Variants in HS6ST2 observed in about 807,000 individuals in gnomAD.
The protein encoded by HS6ST2 is heparan sulfate 6-O-sulfotransferase 2, also known as heparan-sulfate 6-O-sulfotransferase 2.
A neutral mutation model predicts 33.0 loss-of-function variants in HS6ST2; 17 were observed. The ratio of observed to expected loss-of-function variants is 0.52; its 90% confidence interval spans 0.35 to 0.77. The LOEUF (loss-of-function observed/expected upper bound fraction) is 0.77. Ranked by LOEUF, HS6ST2 falls within the 30% of genes least tolerant of loss-of-function variation. The pLI, the probability that HS6ST2 is intolerant of heterozygous loss-of-function variation, is 0.01. For synonymous variants in HS6ST2, 248 were observed against 237.1 expected, an observed-to-expected ratio of 1.05 and a Z score of -0.42; for missense variants, 519 against 551.7, an observed-to-expected ratio of 0.94 and a Z score of 0.59.
intron 2 of HS6ST2, among the ~76,000 whole-genome samples, chrX:132,836,234 TTACAGATGTGGCATCACATAG>T (rs749994334): frequency 6.2e-4 from 70 of 112,407 alleles, no homozygotes; most frequent in African/African-American, 2.2e-3. Context: ...GGTTCTTGGG[TTACAGATGTGGCATCACATAG>T]TCCTCGCCTT....
Position 132,841,496 on chromosome X carries a change from T to A in HS6ST2, c.947+115312A>T, listed in dbSNP as rs148337757. Among the ~76,000 whole-genome samples the A allele has an allele frequency of 4.7e-4, 53 of 111,609 alleles. No homozygotes were observed. The East Asian group carries it at 0.012, about 25-fold the overall frequency. ...GAAGCTCAGGGTAGGGAGGCATTGC[T>A]GAAAATGAAGCTTATTATGGGAATT... is the stretch of plus-strand genomic sequence containing the variant. On this transcript the variant is annotated intron_variant, in intron 2 of 4. Coordinates refer to ENST00000370833, the MANE Select transcript of HS6ST2 (RefSeq NM_001394073.1).
intron 2 of HS6ST2, among the ~76,000 whole-genome samples, chrX:132,773,216 G>A (rs1421710074): frequency 1.0e-5 from 1 of 99,169 alleles, no homozygotes; most frequent in Non-Finnish European, 2.0e-5. Context: ...TAATAAATAT[G>A]TATTATATAT....
At chrX:132,898,198 A>G (rs1176522583) in intron 2 of HS6ST2, among the ~76,000 whole-genome samples, 1 of 109,742 alleles carries the variant, frequency 9.1e-6, no homozygotes, top group Non-Finnish European at 1.9e-5. Context: ...CTGTCCGTGG[A>G]AAAATTGTCT....
At chrX:132,700,779 G>A (rs1234318922) in intron 3 of HS6ST2, among the ~76,000 whole-genome samples, 3 of 110,565 alleles carry the variant, frequency 2.7e-5, no homozygotes, top group Non-Finnish European at 5.7e-5. Context: ...GAGATGATGT[G>A]TACCTTTAAA....
intron 2 of HS6ST2, among the ~76,000 whole-genome samples, chrX:132,825,363 G>A (rs1221776928): frequency 9.0e-6 from 1 of 111,682 alleles, no homozygotes; most frequent in African/African-American, 3.3e-5. Context: ...TCTGTTCAGA[G>A]GACACAAACT....
intron 3 of HS6ST2, among the ~76,000 whole-genome samples, chrX:132,688,693 G>T (rs1458902761): frequency 8.9e-6 from 1 of 111,900 alleles, no homozygotes; most frequent in Non-Finnish European, 1.9e-5. Context: ...AACAAGTGGG[G>T]ATTATGGAAA....
chrX:132,736,387 G>T (rs1358591988), intron 2 of HS6ST2, among the ~76,000 whole-genome samples: 1 of 111,975 alleles, frequency 8.9e-6, no homozygotes, highest in Non-Finnish European at 1.9e-5. Context: ...TATAGCTTCT[G>T]TTAGTTTGCA....
At chrX:132,764,578 G>T (rs2064828400) in intron 2 of HS6ST2, among the ~76,000 whole-genome samples, 1 of 111,352 alleles carries the variant, frequency 9.0e-6, no homozygotes, top group Non-Finnish European at 1.9e-5. Flanking sequence ...GCAGACAGTT[G>T]CAGAAAATTC....
chrX:132,914,279 CCACA>C (rs1255214853), intron 2 of HS6ST2, among the ~76,000 whole-genome samples: 1 of 111,910 alleles, frequency 8.9e-6, no homozygotes, highest in African/African-American at 3.3e-5. Flanking sequence ...TTTATTAAAC[CCACA>C]TATAAATGCT....
At chrX:132,940,327 T>C (rs188946588) in intron 2 of HS6ST2, among the ~76,000 whole-genome samples, 77 of 112,252 alleles carry the variant, frequency 6.9e-4, no homozygotes, top group African/African-American at 2.4e-3. Context: ...TTGACCTTAC[T>C]GTAAAAGGTT....
intron 2 of HS6ST2, among the ~76,000 whole-genome samples, chrX:132,828,706 A>ATAT (rs2065553864): frequency 2.4e-5 from 2 of 83,426 alleles, no homozygotes; most frequent in Non-Finnish European, 4.7e-5. Context: ...ACACACACAC[A>ATAT]CACACACACA....
chrX:132,728,225 A>C (rs1429500889), intron 2 of HS6ST2, among the ~76,000 whole-genome samples: 1 of 112,172 alleles, frequency 8.9e-6, no homozygotes, highest in Non-Finnish European at 1.9e-5. Flanking sequence ...TGTTTTCCAT[A>C]GCAGCTGCAA....
chrX:132,803,593 G>C, intron 2 of HS6ST2, among the ~76,000 whole-genome samples: 1 of 111,281 alleles, frequency 9.0e-6, no homozygotes, highest in East Asian at 2.8e-4. Flanking sequence ...ATTTTTAGTA[G>C]AGATGGGGTT....
rs138709239 is a variant in HS6ST2, at chrX:132,671,446, CTT to C, written c.981-2249_981-2248del. On this transcript the variant is annotated intron_variant, in intron 3 of 4. Coordinates refer to ENST00000370833, the MANE Select transcript of HS6ST2 (RefSeq NM_001394073.1). ...CTGAGTCACTAAGTTCATTCATTCACTTTTTTTTTTTTTTTTTTTGATAAAGC... is the reference window on the plus strand; with the variant it reads ...CTGAGTCACTAAGTTCATTCATTCACTTTTTTTTTTTTTTTTTGATAAAGC... 7.1e-3 allele frequency among the ~76,000 whole-genome samples: 648 copies of C among 91,185 alleles called. 6 individuals carry two copies. The highest frequency in any genetic ancestry group is 0.024 in the African/African-American group (592 of 24,939). The allele number at this position is 91,185 out of a possible 115,157, so 79.2% of individuals were successfully genotyped here.
intron 2 of HS6ST2, among the ~76,000 whole-genome samples, chrX:132,715,505 T>C (rs1405287459): frequency 3.6e-5 from 4 of 112,289 alleles, no homozygotes; most frequent in Non-Finnish European, 5.6e-5. Flanking sequence ...CTTCTAGTGA[T>C]CTTTTAGAGA....
At chrX:132,642,437 C>T (rs2063607924) in intron 4 of HS6ST2, among the ~76,000 whole-genome samples, 1 of 110,920 alleles carries the variant, frequency 9.0e-6, no homozygotes, top group Non-Finnish European at 1.9e-5. Context: ...CAAACCCTGG[C>T]TTTTTCTGGG....
intron 3 of HS6ST2, among the ~76,000 whole-genome samples, chrX:132,701,594 C>G (rs1602590660): frequency 9.0e-6 from 1 of 111,665 alleles, no homozygotes; most frequent in Non-Finnish European, 1.9e-5. Context: ...TTCTCCAAAC[C>G]CACCCCACCT....
At chrX:132,711,814 A>C (rs749211081) in intron 2 of HS6ST2, among the ~76,000 whole-genome samples, 1 of 111,897 alleles carries the variant, frequency 8.9e-6, no homozygotes, top group Admixed American at 9.5e-5. Context: ...AAATTATAGA[A>C]GGAAACTTAA....
intron 4 of HS6ST2, among the ~76,000 whole-genome samples, chrX:132,663,739 A>G (rs1458645464): frequency 8.9e-6 from 1 of 112,122 alleles, no homozygotes; most frequent in Non-Finnish European, 1.9e-5. Context: ...ACATACAACC[A>G]TTTTGAAGAG....
Sources: gnomAD v4.1 joint callset for allele counts (sites outside exome capture counted in the v4.1 genomes callset) on GRCh38, gnomAD v4.1.1 for gene constraint, MANE v1.5 for transcripts, NCBI Gene and HGNC (gene_info 2026-07-23, HGNC 2026-07-21) for gene names.